The following DCDC1 variants were observed in gnomAD, a reference collection of about 807,000 sequenced individuals.
DCDC1 encodes the protein doublecortin domain-containing protein 1.
A neutral mutation model predicts 178.3 loss-of-function variants in DCDC1; 200 were observed. The observed-to-expected ratio is 1.12, with a 90% CI of 1.00 to 1.26. The LOEUF (loss-of-function observed/expected upper bound fraction) is 1.26. Ranked by LOEUF, DCDC1 falls within the 50% of genes most tolerant of loss-of-function variation. The pLI, the probability that DCDC1 is intolerant of heterozygous loss-of-function variation, is 0.00. For missense variants in DCDC1, 1,983 were observed against 1,749.2 expected (o/e 1.13, Z -2.38); for synonymous variants, 690 against 604.8 (o/e 1.14, Z -2.07).
At chr11:30,894,226 T>C (rs1225650367) in intron 35 of DCDC1, 22 bp downstream of exon 35, 1 of 1,601,596 alleles carries the variant, frequency 6.2e-7, no homozygotes, top group African/African-American at 1.3e-5. Context: ...GTCTTTAATG[T>C]CCAGAATCCC....
intron 1 of DCDC1, among the ~76,000 whole-genome samples, chr11:31,349,312 C>T (rs1052684774): frequency 1.5e-4 from 23 of 152,124 alleles, no homozygotes; most frequent in Non-Finnish European, 2.9e-4. Flanking sequence ...AACAAGGTAC[C>T]TTTGTGGCCC....
chr11:31,210,609 G>C (rs1310801247), intron 9 of DCDC1, among the ~76,000 whole-genome samples: 1 of 151,576 alleles, frequency 6.6e-6, no homozygotes, highest in Non-Finnish European at 1.5e-5. Context: ...TACTCAGGAG[G>C]CTGAGGCAGG....
intron 1 of DCDC1, among the ~76,000 whole-genome samples, chr11:31,339,766 G>T (rs919918168): frequency 3.9e-5 from 6 of 152,138 alleles, no homozygotes; most frequent in South Asian, 4.1e-4. Context: ...TTCCTTACAG[G>T]ACTAAAGTAG....
intron 20 of DCDC1, among the ~76,000 whole-genome samples, chr11:30,988,586 A>G (rs770078018): frequency 2.0e-5 from 3 of 152,160 alleles, no homozygotes; most frequent in Non-Finnish European, 4.4e-5. Flanking sequence ...CTTCTAGAAC[A>G]TACTAAGCCT....
chr11:30,978,884 CT>C (rs1174116907), intron 20 of DCDC1, among the ~76,000 whole-genome samples: 2 of 151,720 alleles, frequency 1.3e-5, no homozygotes, highest in African/African-American at 2.4e-5. Context: ...GAGATCAACT[CT>C]TTTAGCTCCC....
intron 20 of DCDC1, among the ~76,000 whole-genome samples, chr11:31,048,805 T>C (rs1181386681): frequency 1.3e-5 from 2 of 151,964 alleles, no homozygotes; most frequent in Non-Finnish European, 2.9e-5. Flanking sequence ...TGCAGTCCGC[T>C]GAGATTGCGC....
intron 1 of DCDC1, among the ~76,000 whole-genome samples, chr11:31,344,721 T>C (rs1238921560): frequency 6.6e-6 from 1 of 152,214 alleles, no homozygotes; most frequent in African/African-American, 2.4e-5. Flanking sequence ...CAAGTGCGGA[T>C]AGTTGTAAGA....
intron 20 of DCDC1, among the ~76,000 whole-genome samples, chr11:31,060,059 A>C (rs1955827008): frequency 6.6e-6 from 1 of 152,054 alleles, no homozygotes; most frequent in Non-Finnish European, 1.5e-5. Context: ...AGAAAAAAGC[A>C]TGTCACTTCT....
intron 9 of DCDC1, among the ~76,000 whole-genome samples, chr11:31,216,635 A>G (rs1973604087): frequency 6.6e-6 from 1 of 152,178 alleles, no homozygotes. Flanking sequence ...TCATAATCTC[A>G]AGGCAGGTGC....
In DCDC1 at chr11:30,908,947, G is replaced by A. The variant is rs751120927; in HGVS notation, c.3917C>T (p.Pro1306Leu). 1.3e-5 allele frequency: 21 copies of A among 1,590,978 alleles called. No homozygotes were observed. In the East Asian group the frequency reaches 2.7e-4, roughly 21 times the overall value. ...SVIKEENIDQ[P>L]GYCYLSPDGK... is the part of the protein sequence containing the mutation. ...CTTTGAGAGGAAGGAACCACTTACT[G>A]GTTGATCAATGTTTTCTTCTTTAAT... Residue 1306 changes from proline to leucine, a missense_variant and splice_region_variant, in exon 29 of 39, where the codon CCA (proline) becomes CTA (leucine). By Grantham distance (98) the Pro-to-Leu change is moderately conservative. Transcript: ENST00000684477.
At chr11:31,081,476 G>A (rs924284369) in intron 17 of DCDC1, among the ~76,000 whole-genome samples, 1 of 152,038 alleles carries the variant, frequency 6.6e-6, no homozygotes, top group Non-Finnish European at 1.5e-5. Context: ...CGGGTGTGGT[G>A]GCACATGCCC....
At chr11:31,047,252 T>C (rs531460989) in intron 20 of DCDC1, among the ~76,000 whole-genome samples, 1 of 152,294 alleles carries the variant, frequency 6.6e-6, no homozygotes, top group South Asian at 2.1e-4. Flanking sequence ...CACTGAAGGA[T>C]GATAATGTAG....
chr11:30,932,989 C>CTT (rs200609136), intron 21 of DCDC1, among the ~76,000 whole-genome samples: 4,075 of 92,704 alleles, frequency 0.044, 182 homozygotes, highest in African/African-American at 0.13. Flanking sequence ...TTTATTCTTT[C>CTT]TCTTTTTTTT....
At chr11:31,315,147 T>C (rs1259967140) in intron 3 of DCDC1, among the ~76,000 whole-genome samples, 2 of 152,068 alleles carry the variant, frequency 1.3e-5, no homozygotes, top group Non-Finnish European at 2.9e-5. Flanking sequence ...TAAACCTTAG[T>C]GACTTTTTAT....
intron 6 of DCDC1, among the ~76,000 whole-genome samples, chr11:31,297,837 T>C (rs1010449354): frequency 1.3e-5 from 2 of 152,222 alleles, no homozygotes; most frequent in African/African-American, 2.4e-5. Context: ...TTGACCTTAA[T>C]GGCCCATCCC....
rs957519637 is a variant in DCDC1, at chr11:30,878,800, C to A, written c.5234-89G>T. The A allele has an allele frequency of 2.3e-6, 3 of 1,294,220 alleles. No homozygotes were observed. The African/African-American group carries it at 4.6e-5, about 20-fold the overall frequency. 80.2% of individuals were successfully genotyped at this position (1,294,220 alleles called of 1,614,324 possible). On this transcript the variant is annotated intron_variant, in intron 37 of 38. Transcript: ENST00000684477. Reference sequence around the variant, plus strand: ...TCCAGGATGATGAAAAACTTGAAGACCCCTCACAAATCCTTGGCTCCCACC... The same window carrying A: ...TCCAGGATGATGAAAAACTTGAAGAACCCTCACAAATCCTTGGCTCCCACC...
intron 6 of DCDC1, among the ~76,000 whole-genome samples, chr11:31,305,033 T>A (rs964375910): frequency 2.0e-5 from 3 of 152,152 alleles, no homozygotes; most frequent in African/African-American, 7.2e-5. Flanking sequence ...GAAATGAACT[T>A]TTTGGAAAAC....
intron 8 of DCDC1, among the ~76,000 whole-genome samples, chr11:31,254,848 T>C (rs891032792): frequency 6.6e-6 from 1 of 152,130 alleles, no homozygotes; most frequent in Non-Finnish European, 1.5e-5. Flanking sequence ...CTCAGTGGCA[T>C]TTAGTAGATT....
At chr11:31,193,092 T>C (rs1027671018) in intron 9 of DCDC1, among the ~76,000 whole-genome samples, 2 of 152,034 alleles carry the variant, frequency 1.3e-5, no homozygotes, top group Admixed American at 6.6e-5. Context: ...GTTACACCAT[T>C]GTCTCTGCTG....
Sources: gnomAD v4.1 joint callset for allele counts (sites outside exome capture counted in the v4.1 genomes callset) on GRCh38, gnomAD v4.1.1 for gene constraint, MANE v1.5 for transcripts, NCBI Gene and HGNC (gene_info 2026-07-23, HGNC 2026-07-21) for gene names.